Variants in ASXL2 observed in about 807,000 individuals in gnomAD.
ASXL2 encodes ASXL transcriptional regulator 2, also known as putative Polycomb group protein ASXL2.
Under a neutral mutation model 122.0 loss-of-function variants are expected in ASXL2, and 23 were observed. The observed-to-expected ratio is 0.19, with a 90% CI of 0.14 to 0.27. The LOEUF is 0.27. ASXL2 is among the 10% of genes least tolerant of loss of function. The pLI is 1.00. For missense variants in ASXL2, 1,518 were observed against 1,713.8 expected (o/e 0.89, Z 2.02); for synonymous variants, 650 against 637.0 (o/e 1.02, Z -0.31).
intron 5 of ASXL2, among the ~76,000 whole-genome samples, chr2:25,772,353 C>G (rs959673166): frequency 3.3e-5 from 5 of 152,124 alleles, no homozygotes; most frequent in African/African-American, 1.2e-4. Flanking sequence ...CTAAAGTCTT[C>G]CCCTATTCAT....
chr2:25,851,631 C>T (rs906610335), intron 1 of ASXL2, among the ~76,000 whole-genome samples: 1 of 152,112 alleles, frequency 6.6e-6, no homozygotes, highest in Non-Finnish European at 1.5e-5. Flanking sequence ...TTTCTGTATT[C>T]GTTTACATTT....
intron 4 of ASXL2, 57 bp from the exon 5 acceptor site, chr2:25,799,592 T>G: frequency 3.3e-6 from 5 of 1,531,880 alleles, no homozygotes; most frequent in Admixed American, 2.1e-5. Context: ...AAACAGAAAT[T>G]AAAACTTCTG....
chr2:25,844,274 G>A (rs2089623195), intron 2 of ASXL2, among the ~76,000 whole-genome samples: 1 of 152,126 alleles, frequency 6.6e-6, no homozygotes, highest in Non-Finnish European at 1.5e-5. Context: ...ATGATAGAGA[G>A]TCTTGATTAA....
chr2:25,845,551 A>T lies in ASXL2; in HGVS notation c.70T>A (p.Tyr24Asn). Reference protein sequence around the residue: ...AEAAKTVLEKYPNTPMSHKEI... With the variant: ...AEAAKTVLEKNPNTPMSHKEI... ...TTATGACTCATGGGTGTATTGGGGTATTTTTCTAAGACCTGAAAAACAAGT... is the reference window on the plus strand; with the variant it reads ...TTATGACTCATGGGTGTATTGGGGTTTTTTTCTAAGACCTGAAAAACAAGT... Residue 24 changes from tyrosine (Y) to asparagine (N), a missense_variant, in exon 2 of 13, where the codon TAC becomes AAC. Tyr to Asn is a moderately radical substitution (Grantham distance 143). Transcript: ENST00000435504. 1 of 1,418,636 alleles carries T rather than the reference A, an allele frequency of 7.0e-7. No individual in the cohort carries two copies. The highest frequency in any genetic ancestry group is 1.5e-5 in the African/African-American group (1 of 68,064). 87.9% of individuals were successfully genotyped at this position (1,418,636 alleles called of 1,614,324 possible). A position where few individuals can be genotyped will look rare whatever the true frequency, so the allele number is the denominator to read the frequency against.
At chr2:25,842,965 G>A (rs955908945) in intron 2 of ASXL2, among the ~76,000 whole-genome samples, 14 of 150,662 alleles carry the variant, frequency 9.3e-5, no homozygotes, top group African/African-American at 2.2e-4. Flanking sequence ...GGGATTACAC[G>A]CAAGCGTCAC....
chr2:25,821,009 G>A (rs940031708), intron 3 of ASXL2, among the ~76,000 whole-genome samples: 12 of 151,674 alleles, frequency 7.9e-5, no homozygotes, highest in South Asian at 2.1e-4. Flanking sequence ...GAGAAACCCC[G>A]TCTCTACTAA....
At chr2:25,763,367 G>A (rs1038981907) in intron 8 of ASXL2, among the ~76,000 whole-genome samples, 2 of 152,038 alleles carry the variant, frequency 1.3e-5, no homozygotes, top group Admixed American at 6.5e-5. Flanking sequence ...ACGTGTGCCT[G>A]TAATCCCAGC....
chr2:25,796,749 G>A (rs955093828), intron 5 of ASXL2, among the ~76,000 whole-genome samples: 4 of 152,194 alleles, frequency 2.6e-5, no homozygotes, highest in Non-Finnish European at 4.4e-5. Context: ...CATCCTAAAA[G>A]GCTATGGATG....
At chr2:25,835,658 C>A in intron 2 of ASXL2, 118 bp from the exon 3 acceptor site, 1 of 183,594 alleles carries the variant, frequency 5.4e-6, no homozygotes. Context: ...CAGCAATATC[C>A]ACAATTCCCC....
intron 4 of ASXL2, among the ~76,000 whole-genome samples, chr2:25,801,067 C>A (rs905296630): frequency 2.6e-5 from 4 of 152,164 alleles, no homozygotes; most frequent in Non-Finnish European, 5.9e-5. Flanking sequence ...GCTGGGACTA[C>A]AGGTGTGTGC....
At chr2:25,856,514 C>T in intron 1 of ASXL2, 1 of 1,105,612 alleles carries the variant, frequency 9.0e-7, no homozygotes, top group Non-Finnish European at 1.4e-6. Context: ...GCCTTGTCCC[C>T]AAGAGCCTCC....
intron 8 of ASXL2, among the ~76,000 whole-genome samples, chr2:25,762,051 A>G (rs1007398355): frequency 2.0e-5 from 3 of 152,172 alleles, no homozygotes; most frequent in African/African-American, 4.8e-5. Context: ...AAAAAAGACA[A>G]TAATATTTAT....
At chr2:25,853,101 A>G (rs893529761) in intron 1 of ASXL2, among the ~76,000 whole-genome samples, 1 of 152,188 alleles carries the variant, frequency 6.6e-6, no homozygotes, top group African/African-American at 2.4e-5. Flanking sequence ...CCTTTCCACC[A>G]TGAGTGGCAA....
At chr2:25,781,776 C>T (rs1310973759) in intron 5 of ASXL2, among the ~76,000 whole-genome samples, 1 of 150,182 alleles carries the variant, frequency 6.7e-6, no homozygotes, top group African/African-American at 2.5e-5. Flanking sequence ...TCAAGCGATT[C>T]TTCTGCTTCA....
chr2:25,784,272 G>A (rs1283801839), intron 5 of ASXL2, among the ~76,000 whole-genome samples: 1 of 151,910 alleles, frequency 6.6e-6, no homozygotes, highest in Non-Finnish European at 1.5e-5. Context: ...AAGAAATTAA[G>A]AAAGTAGGTG....
Position 25,786,207 on chromosome 2 carries a change from A to G in ASXL2, c.403+13178T>C, listed in dbSNP as rs555191194. Among the ~76,000 whole-genome samples, 5 of 151,840 alleles carry G rather than the reference A, an allele frequency of 3.3e-5. No individual in the cohort carries two copies. The South Asian group carries it at 1.0e-3, about 32-fold the overall frequency. The stretch of plus-strand genomic sequence containing the variant: ...AAAGGAAACTAACTTCATCTACTAA[A>G]AAGTATCTACAAACAACCTACTACT... On this transcript the variant is annotated intron_variant, in intron 5 of 12. Coordinates refer to ENST00000435504, the MANE Select transcript of ASXL2 (RefSeq NM_018263.6).
Position 25,742,789 on chromosome 2 carries a change from T to C in ASXL2, c.3548A>G (p.Glu1183Gly). The change falls in exon 13 of 13, where the codon GAG becomes GGG. Residue 1183 changes from glutamate (E) to glycine (G), a missense_variant. Physicochemically the swap from Glu to Gly is moderately conservative, Grantham distance 98. Transcript: ENST00000435504. ...SSSSKEDDTDEESTGDEQESV... is the reference protein window; with the variant it reads ...SSSSKEDDTDGESTGDEQESV... ...TTCCTGCTCATCACCAGTACTTTCC[T>C]CATCAGTGTCATCTTCTTTGCTGCT... 6.2e-7 allele frequency: 1 copy of C among 1,614,000 alleles called. No homozygotes were observed. Among genetic ancestry groups the C allele is most frequent in the South Asian group, 1.1e-5 (1 of 91,086 alleles).
chr2:25,858,836 G>A lies in ASXL2; in HGVS notation c.58-13273C>T, dbSNP rs564018058. 3.0e-3 allele frequency among the ~76,000 whole-genome samples: 443 copies of A among 149,226 alleles called. 2 individuals are homozygous for A. The highest frequency in any genetic ancestry group is 5.2e-3 in the Non-Finnish European group (349 of 67,184). On this transcript the variant is annotated intron_variant, in intron 1 of 12. Coordinates refer to ENST00000435504, the MANE Select transcript of ASXL2 (RefSeq NM_018263.6). Reference sequence around the variant, plus strand: ...AATTTTTTTTTTTTTTTTGGAGATGGAGTCTCGCTCTTTATTGCCCAGGCT... The same window carrying A: ...AATTTTTTTTTTTTTTTTGGAGATGAAGTCTCGCTCTTTATTGCCCAGGCT...
chr2:25,779,061 C>T, intron 5 of ASXL2, among the ~76,000 whole-genome samples: 1 of 148,930 alleles, frequency 6.7e-6, no homozygotes, highest in African/African-American at 2.5e-5. Context: ...AATTGAAGAT[C>T]ACAGAGCTGT....
Sources: gnomAD v4.1 joint callset for allele counts (sites outside exome capture counted in the v4.1 genomes callset) on GRCh38, gnomAD v4.1.1 for gene constraint, MANE v1.5 for transcripts, NCBI Gene and HGNC (gene_info 2026-07-23, HGNC 2026-07-21) for gene names.